Variants in ANK3 observed in about 807,000 individuals in gnomAD.
ANK3 encodes the protein ankyrin 3.
Under a neutral mutation model 370.9 loss-of-function variants are expected in ANK3, and 57 were observed. The ratio of observed to expected loss-of-function variants is 0.15; its 90% confidence interval spans 0.12 to 0.19. The LOEUF (loss-of-function observed/expected upper bound fraction) is 0.19, where lower values mean the gene tolerates loss of function less well. ANK3 is among the 10% of genes least tolerant of loss of function. ANK3 has a pLI of 1.00. For missense variants in ANK3, 4,439 were observed against 5,302.1 expected, an observed-to-expected ratio of 0.84 and a Z score of 5.06; for synonymous variants, 1,929 against 1,946.3, an observed-to-expected ratio of 0.99 and a Z score of 0.23.
chr10:60,526,012 G>T (rs781343049), intron 2 of ANK3, among the ~76,000 whole-genome samples: 4 of 152,064 alleles, frequency 2.6e-5, no homozygotes, highest in Non-Finnish European at 5.9e-5. Flanking sequence ...AAAAAATCTA[G>T]AAATAAAATG....
intron 1 of ANK3, among the ~76,000 whole-genome samples, chr10:60,348,082 C>T (rs1384171258): frequency 6.6e-6 from 1 of 152,006 alleles, no homozygotes; most frequent in Non-Finnish European, 1.5e-5. Flanking sequence ...TTGTTTCCTA[C>T]ACTAATTTAG....
intron 2 of ANK3, among the ~76,000 whole-genome samples, chr10:60,434,607 T>C (rs2064112242): frequency 6.6e-6 from 1 of 152,232 alleles, no homozygotes; most frequent in Admixed American, 6.5e-5. Context: ...TAACAGCATA[T>C]GGCCTTCCTG....
At chr10:60,247,706 C>A (rs1468565765) in intron 7 of ANK3, among the ~76,000 whole-genome samples, 3 of 152,058 alleles carry the variant, frequency 2.0e-5, no homozygotes, top group East Asian at 1.9e-4. Context: ...TTCACTCTGC[C>A]GCCCAGGCTG....
chr10:60,485,257 A>G (rs1387637525), intron 2 of ANK3, among the ~76,000 whole-genome samples: 3 of 151,992 alleles, frequency 2.0e-5, no homozygotes, highest in South Asian at 2.1e-4. Context: ...CCATGTCTAC[A>G]CCTGTTCAGG....
chr10:60,657,912 T>C (rs938048164), intron 1 of ANK3, among the ~76,000 whole-genome samples: 2 of 152,034 alleles, frequency 1.3e-5, no homozygotes, highest in Non-Finnish European at 2.9e-5. Context: ...TAGGTACATA[T>C]ACATTTATAA....
intron 7 of ANK3, among the ~76,000 whole-genome samples, chr10:60,256,733 T>G (rs1007095965): frequency 6.6e-6 from 1 of 152,214 alleles, no homozygotes; most frequent in African/African-American, 2.4e-5. Flanking sequence ...CTTGGTTTCC[T>G]GTTCCTGCAT....
At chr10:60,417,276 A>G (rs1164157035) in intron 2 of ANK3, among the ~76,000 whole-genome samples, 1 of 152,224 alleles carries the variant, frequency 6.6e-6, no homozygotes, top group Non-Finnish European at 1.5e-5. Context: ...TCATTAGGCC[A>G]TGATCCAGGT....
rs567892404 is a variant in ANK3 at position 60,214,501 on chromosome 10, T to A, written c.898-991A>T. Among the ~76,000 whole-genome samples, 576 of 152,090 alleles carry A rather than the reference T, an allele frequency of 3.8e-3. 6 individuals are homozygous for A. Among genetic ancestry groups the A allele is most frequent in the African/African-American group, 0.013 (548 of 41,488 alleles). The stretch of plus-strand genomic sequence containing the variant: ...GTACCTATTGACCCATCCTCTAAGT[T>A]CCCTCCCCTCACCCCCCAGCCCCCA... On this transcript the variant is annotated intron_variant, in intron 8 of 43. Transcript: ENST00000280772.
chr10:60,354,084 CCTT>C (rs970750717), intron 1 of ANK3, among the ~76,000 whole-genome samples: 1 of 152,220 alleles, frequency 6.6e-6, no homozygotes, highest in African/African-American at 2.4e-5. Context: ...TTCCATCCCA[CCTT>C]CTCCAATACA....
At chr10:60,053,102 A>T (rs966567095) in intron 42 of ANK3, among the ~76,000 whole-genome samples, 2 of 152,218 alleles carry the variant, frequency 1.3e-5, no homozygotes, top group African/African-American at 4.8e-5. Flanking sequence ...GTTTGCTATT[A>T]TTATTTTAAA....
At chr10:60,494,538 C>T (rs182208722) in intron 2 of ANK3, among the ~76,000 whole-genome samples, 16 of 152,234 alleles carry the variant, frequency 1.1e-4, no homozygotes, top group African/African-American at 3.8e-4. Context: ...CTTGCCTGTT[C>T]TCTCTCTACA....
At chr10:60,312,350 C>T (rs2046528766) in intron 1 of ANK3, among the ~76,000 whole-genome samples, 1 of 152,210 alleles carries the variant, frequency 6.6e-6, no homozygotes, top group Admixed American at 6.5e-5. Context: ...GTGACTGGCA[C>T]AGGGCTTGGC....
At chr10:60,553,681 A>G (rs906256049) in intron 2 of ANK3, among the ~76,000 whole-genome samples, 1 of 152,098 alleles carries the variant, frequency 6.6e-6, no homozygotes, top group African/African-American at 2.4e-5. Flanking sequence ...CAGGGGGAGG[A>G]GGTGCAGGTG....
chr10:60,095,076 C>T (rs759369531), intron 28 of ANK3, among the ~76,000 whole-genome samples: 21 of 152,190 alleles, frequency 1.4e-4, no homozygotes, highest in Non-Finnish European at 2.5e-4. Flanking sequence ...GACTGTGGGC[C>T]GCATTGCTCG....
chr10:60,177,136 A>C (rs1189678405), intron 18 of ANK3, among the ~76,000 whole-genome samples: 1 of 152,142 alleles, frequency 6.6e-6, no homozygotes, highest in Non-Finnish European at 1.5e-5. Flanking sequence ...ATAATTTGAC[A>C]GCCCTATCAT....
intron 1 of ANK3, among the ~76,000 whole-genome samples, chr10:60,373,702 A>T (rs2060395847): frequency 6.6e-6 from 1 of 152,230 alleles, no homozygotes; most frequent in South Asian, 2.1e-4. Flanking sequence ...TTTTAGAGAC[A>T]GGTGGCATGG....
intron 2 of ANK3, 98 bp from the exon 3 acceptor site, chr10:60,279,246 A>T (rs1202300476): frequency 3.8e-6 from 4 of 1,039,058 alleles, no homozygotes; most frequent in Non-Finnish European, 6.0e-6. Context: ...GTCCCACCTG[A>T]TGATCACTTG....
rs11813882 is a variant in ANK3 at position 60,548,401 on chromosome 10, G to T, written c.96+66785C>A. 9.1e-3 allele frequency among the ~76,000 whole-genome samples: 1,372 copies of T among 151,120 alleles called. 14 individuals carry two copies. The highest frequency in any genetic ancestry group is 0.013 in the Non-Finnish European group (914 of 67,738). On this transcript the variant is annotated intron_variant, in intron 2 of 43. Coordinates refer to the ANK3 transcript ENST00000373827. ...TATTTTGTGTGTGCGTGTTTTTTTT[G>T]TTGTTGTTTGTTTGTTTGTTTGTTT...
intron 2 of ANK3, among the ~76,000 whole-genome samples, chr10:60,458,617 T>C (rs758746514): frequency 6.6e-6 from 1 of 152,154 alleles, no homozygotes; most frequent in Non-Finnish European, 1.5e-5. Context: ...AGGTTACTTT[T>C]TCTTGTGAAC....
Sources: allele counts gnomAD v4.1 joint callset (sites outside exome capture counted in the v4.1 genomes callset), GRCh38; gene constraint gnomAD v4.1.1; transcripts MANE v1.5; gene names NCBI Gene and HGNC (gene_info 2026-07-23, HGNC 2026-07-21).